UBE3C: variants seen among roughly 807,000 people sequenced by gnomAD.
The protein encoded by UBE3C is ubiquitin-protein ligase E3C.
A neutral mutation model predicts 129.4 loss-of-function variants in UBE3C; 42 were observed. The ratio of observed to expected loss-of-function variants is 0.32; its 90% CI spans 0.25 to 0.42. The LOEUF (loss-of-function observed/expected upper bound fraction) is 0.42, where lower values mean the gene tolerates loss of function less well. UBE3C is among the 10% of genes least tolerant of loss of function. The probability of loss-of-function intolerance (pLI) is 1.00; values close to 1 mark genes in which losing one functional copy is unlikely to be tolerated. For synonymous variants in UBE3C, 510 were observed against 492.4 expected (o/e 1.04, Z -0.47); for missense variants, 1,049 against 1,319.1 (o/e 0.80, Z 3.17).
At chr7:157,186,510 A>G (rs1239856477) in intron 9 of UBE3C, among the ~76,000 whole-genome samples, 1 of 152,124 alleles carries the variant, frequency 6.6e-6, no homozygotes, top group Non-Finnish European at 1.5e-5. Context: ...TGATAGTTTC[A>G]CTATGTATGG....
chr7:157,148,054 G>A (rs2116802687), intron 1 of UBE3C, among the ~76,000 whole-genome samples: 1 of 152,152 alleles, frequency 6.6e-6, no homozygotes, highest in Non-Finnish European at 1.5e-5. Flanking sequence ...TATGGAATGA[G>A]GATACTCTAG....
intron 4 of UBE3C, among the ~76,000 whole-genome samples, chr7:157,172,495 A>G (rs1808404929): frequency 6.6e-6 from 1 of 152,236 alleles, no homozygotes; most frequent in African/African-American, 2.4e-5. Context: ...ACAAAGGAAT[A>G]CATGATTATT....
chr7:157,154,505 A>G (rs7806775), intron 1 of UBE3C, among the ~76,000 whole-genome samples: 72,244 of 151,904 alleles, frequency 0.48, 19,794 homozygotes, highest in African/African-American at 0.77. Context: ...TCAACAAAAT[A>G]TCTTAGTGAT....
At chr7:157,235,256 G>A (rs754017728) in intron 18 of UBE3C, among the ~76,000 whole-genome samples, 1 of 152,126 alleles carries the variant, frequency 6.6e-6, no homozygotes, top group Non-Finnish European at 1.5e-5. Context: ...CTGTTAAAGT[G>A]AGCCCAAGAA....
chr7:157,165,142 A>G (rs374694439), intron 2 of UBE3C, among the ~76,000 whole-genome samples: 18 of 152,094 alleles, frequency 1.2e-4, no homozygotes, highest in African/African-American at 3.9e-4. Context: ...CAAGAAAGAT[A>G]TTTGTTGGTT....
chr7:157,224,778 A>ACT (rs1795830398), intron 16 of UBE3C, among the ~76,000 whole-genome samples: 2 of 147,910 alleles, frequency 1.4e-5, no homozygotes, highest in South Asian at 4.2e-4. Flanking sequence ...ACGTGCGTAC[A>ACT]CACACACACA....
rs1455698158 is a variant in UBE3C, at chr7:157,171,660, T to A, written c.342+1210T>A. Among the ~76,000 whole-genome samples the A allele has an allele frequency of 5.6e-3, 382 of 67,860 alleles. 2 individuals carry two copies. Among genetic ancestry groups the A allele is most frequent in the African/African-American group, 0.02 (368 of 18,598 alleles). The allele number at this position is 67,860 out of a possible 152,430, so 44.5% of individuals were successfully genotyped here. On this transcript the variant is annotated intron_variant, in intron 4 of 22. Coordinates refer to ENST00000348165, the MANE Select transcript of UBE3C (RefSeq NM_014671.3). ...TGGGTTATATACATTTTTAAATATT[T>A]TATATATATATATATATATATATAT...
At chr7:157,148,065 G>A (rs544389469) in intron 1 of UBE3C, among the ~76,000 whole-genome samples, 3 of 152,120 alleles carry the variant, frequency 2.0e-5, no homozygotes, top group South Asian at 4.1e-4. Context: ...GATACTCTAG[G>A]GCCTACCAAA....
chr7:157,149,391 C>T (rs6965963), intron 1 of UBE3C, among the ~76,000 whole-genome samples: 15,472 of 152,086 alleles, frequency 0.1, 899 homozygotes, highest in African/African-American at 0.14. Context: ...AGAAACCAAG[C>T]GGAATGGAAG....
intron 18 of UBE3C, among the ~76,000 whole-genome samples, chr7:157,233,365 A>T (rs930848367): frequency 2.0e-5 from 3 of 152,012 alleles, no homozygotes; most frequent in Non-Finnish European, 2.9e-5. Context: ...AACACGGCTC[A>T]GTCCTGCGCT....
chr7:157,204,734 C>T (rs1809385305), intron 11 of UBE3C, among the ~76,000 whole-genome samples: 1 of 152,220 alleles, frequency 6.6e-6, no homozygotes, highest in Non-Finnish European at 1.5e-5. Context: ...TTCCATTAGG[C>T]ATCCCTTGAC....
At chr7:157,247,806 C>T (rs1434739650) in intron 18 of UBE3C, among the ~76,000 whole-genome samples, 1 of 152,198 alleles carries the variant, frequency 6.6e-6, no homozygotes, top group African/African-American at 2.4e-5. Context: ...TGCTTTTGTG[C>T]TGCAGGGCAG....
chr7:157,146,623 G>A (rs1338087228), intron 1 of UBE3C, among the ~76,000 whole-genome samples: 1 of 151,956 alleles, frequency 6.6e-6, no homozygotes, highest in Non-Finnish European at 1.5e-5. Flanking sequence ...TAACAGATCT[G>A]TAGTAAACTG....
intron 1 of UBE3C, among the ~76,000 whole-genome samples, chr7:157,153,650 A>G (rs1239200818): frequency 6.6e-6 from 1 of 152,086 alleles, no homozygotes; most frequent in Non-Finnish European, 1.5e-5. Flanking sequence ...GATTATCACG[A>G]ATCTTCCTTG....
chr7:157,254,258 T>G lies in UBE3C; in HGVS notation c.2898T>G (p.Gly966=), dbSNP rs760536242. The G allele has an allele frequency of 6.2e-7, 1 of 1,613,674 alleles. No homozygotes were observed. Among genetic ancestry groups the G allele is most frequent in the Non-Finnish European group, 8.5e-7 (1 of 1,179,900 alleles). The part of the protein sequence containing the change: ...DQQEIQVLIS[G]AQVPISLEDL... ...TTTTTCCTTAGGTATTAATTTCTGG[T>G]GCACAAGTTCCCATAAGCCTAGAGG... The change falls in exon 21 of 23, where the codon GGT becomes GGG. Residue 966 remains glycine (G), a synonymous_variant. Coordinates refer to ENST00000348165, the MANE Select transcript of UBE3C (RefSeq NM_014671.3).
At chr7:157,217,999 G>A (rs1274654979) in intron 14 of UBE3C, among the ~76,000 whole-genome samples, 3 of 152,136 alleles carry the variant, frequency 2.0e-5, no homozygotes, top group East Asian at 3.8e-4. Flanking sequence ...CTGCAGCCTG[G>A]GTGACAGAGC....
intron 18 of UBE3C, among the ~76,000 whole-genome samples, chr7:157,239,673 A>G (rs887385011): frequency 6.6e-6 from 1 of 152,234 alleles, no homozygotes; most frequent in Non-Finnish European, 1.5e-5. Flanking sequence ...ATATGGGGCT[A>G]GGAAAGCTGT....
chr7:157,266,352 T>G (rs2116724178), intron 22 of UBE3C, among the ~76,000 whole-genome samples: 1 of 152,268 alleles, frequency 6.6e-6, no homozygotes, highest in Non-Finnish European at 1.5e-5. Flanking sequence ...GTAACTGGGT[T>G]GCTTCTTTGT....
intron 18 of UBE3C, among the ~76,000 whole-genome samples, chr7:157,243,292 A>G (rs1402964649): frequency 2.0e-5 from 3 of 152,090 alleles, no homozygotes; most frequent in Admixed American, 6.5e-5. Context: ...CAAGGAAGAA[A>G]AGGTACGAGC....
Sources: allele counts gnomAD v4.1 joint callset (sites outside exome capture counted in the v4.1 genomes callset), GRCh38; gene constraint gnomAD v4.1.1; transcripts MANE v1.5; gene names NCBI Gene and HGNC (gene_info 2026-07-23, HGNC 2026-07-21).